Variants in AKAP1 observed in about 807,000 individuals in gnomAD.
AKAP1 encodes A-kinase anchoring protein 1, also known as A-kinase anchor protein 1, mitochondrial.
A neutral mutation model predicts 79.8 loss-of-function variants in AKAP1; 32 were observed. The ratio of observed to expected loss-of-function variants is 0.40; its 90% CI spans 0.30 to 0.54. The LOEUF (loss-of-function observed/expected upper bound fraction) is 0.54, where lower values mean the gene tolerates loss of function less well. Among genes scored for constraint, AKAP1 ranks in the 20% least tolerant of loss-of-function variants. AKAP1 has a pLI of 0.47. For synonymous variants in AKAP1, 416 were observed against 466.7 expected, an observed-to-expected ratio of 0.89 and a Z score of 1.40; for missense variants, 961 against 1,138.9, an observed-to-expected ratio of 0.84 and a Z score of 2.25.
intron 1 of AKAP1, chr17:57,095,527 C>T (rs1308641757): frequency 6.7e-6 from 1 of 148,172 alleles, no homozygotes; most frequent in African/African-American, 2.5e-5. Flanking sequence ...GAAAGTGCCT[C>T]GAGGGCAGTG....
At chr17:57,112,695 C>T in intron 5 of AKAP1, 77 bp downstream of exon 5, 1 of 1,529,270 alleles carries the variant, frequency 6.5e-7, no homozygotes, top group Admixed American at 2.1e-5. Context: ...CTCCCCAGAC[C>T]TCAGGCTAAG....
At chr17:57,120,159 G>A (rs920956930) in intron 10 of AKAP1, 91 bp from the exon 11 acceptor site, 5 of 1,175,402 alleles carry the variant, frequency 4.3e-6, no homozygotes, top group Middle Eastern at 2.0e-4. Context: ...GTTGCCTGCA[G>A]TGGCAACCGG....
chr17:57,116,303 C>T (rs1355873846), intron 7 of AKAP1, 42 bp downstream of exon 7: 1 of 1,611,136 alleles, frequency 6.2e-7, no homozygotes, highest in East Asian at 2.2e-5. Flanking sequence ...CCTGCTTGTT[C>T]TGGGATGCGT....
intron 1 of AKAP1, chr17:57,095,585 C>T (rs1914061569): frequency 6.6e-6 from 1 of 151,362 alleles, no homozygotes; most frequent in Non-Finnish European, 1.5e-5. Flanking sequence ...CTGTGAGTGC[C>T]AGTAATTATT....
chr17:57,091,863 A>G (rs1247187996), intron 1 of AKAP1, among the ~76,000 whole-genome samples: 1 of 151,720 alleles, frequency 6.6e-6, no homozygotes, highest in Non-Finnish European at 1.5e-5. Context: ...TAGTTAAAAA[A>G]ATTTTTTTTG....
rs749943902 is a variant in AKAP1 at position 57,106,303 on chromosome 17, C to T, written c.839C>T (p.Ala280Val). The stretch of plus-strand genomic sequence containing the variant: ...ATCGAGTCGGCTCACACAGAGCTGG[C>T]AAAGGACGATGCGGCGCCAGCACCC... ...RFIESAHTEL[A>V]KDDAAPAPPV... The change falls in exon 2 of 11, where the codon GCA becomes GTA. Residue 280 changes from alanine (A) to valine (V), a missense_variant. By Grantham distance (64) the Ala-to-Val change is moderately conservative. Coordinates refer to ENST00000337714, the MANE Select transcript of AKAP1 (RefSeq NM_003488.4). 2 of 1,614,116 alleles carry T rather than the reference C, an allele frequency of 1.2e-6. No homozygotes were observed. Among genetic ancestry groups the T allele is most frequent in the Admixed American group, 1.7e-5 (1 of 60,020 alleles).
intron 6 of AKAP1, among the ~76,000 whole-genome samples, 198 bp from the exon 7 acceptor site, chr17:57,115,913 C>T (rs554042624): frequency 1.3e-5 from 2 of 152,306 alleles, no homozygotes; most frequent in South Asian, 4.1e-4. Flanking sequence ...GGCTGAACTT[C>T]TCACATCCAG....
intron 1 of AKAP1, among the ~76,000 whole-genome samples, chr17:57,101,024 C>T (rs919239274): frequency 1.3e-5 from 2 of 152,122 alleles, no homozygotes; most frequent in Non-Finnish European, 2.9e-5. Context: ...AGCAAAACTC[C>T]CGTCTCAAAA....
intron 1 of AKAP1, chr17:57,093,281 C>G (rs1913891174): frequency 6.6e-6 from 1 of 152,202 alleles, no homozygotes; most frequent in African/African-American, 2.4e-5. Context: ...AGTATCTTAC[C>G]TGTAATTTGA....
In AKAP1 at chr17:57,110,146, C is replaced by G. The variant is rs951981291; in HGVS notation, c.1836C>G (p.Ile612Met). The change falls in exon 3 of 11, where the codon ATC (isoleucine) becomes ATG (methionine). Residue 612 changes from isoleucine to methionine, a missense_variant. Ile to Met is a conservative substitution (Grantham distance 10). Transcript: ENST00000337714. ...PKKVDLIIWEIEVPKHLVGRL... is the reference protein window; with the variant it reads ...PKKVDLIIWEMEVPKHLVGRL... ...AGGTCGACCTCATCATCTGGGAGAT[C>G]GAGGTGCCAAAGGTAGGGGCGGAGT... The G allele has an allele frequency of 1.2e-6, 2 of 1,613,872 alleles. No homozygotes were observed. The highest frequency in any genetic ancestry group is 1.7e-4 in the Middle Eastern group (1 of 6,004).
intron 8 of AKAP1, 35 bp from the exon 9 acceptor site, chr17:57,118,346 G>C: frequency 6.2e-7 from 1 of 1,608,226 alleles, no homozygotes; most frequent in East Asian, 2.2e-5. Flanking sequence ...GCCTCAGTGA[G>C]AGCCTAAATG....
chr17:57,103,268 G>A (rs760430590), intron 1 of AKAP1, among the ~76,000 whole-genome samples: 11 of 152,226 alleles, frequency 7.2e-5, no homozygotes, highest in Admixed American at 1.3e-4. Flanking sequence ...ACTTTCAAAT[G>A]GAGGTGACCT....
chr17:57,087,336 C>T (rs1179253932), intron 1 of AKAP1, among the ~76,000 whole-genome samples: 1 of 152,202 alleles, frequency 6.6e-6, no homozygotes, highest in East Asian at 1.9e-4. Context: ...AATGCATTCT[C>T]ACTTGGCCAC....
intron 6 of AKAP1, among the ~76,000 whole-genome samples, chr17:57,115,901 T>C (rs2144775113): frequency 6.6e-6 from 1 of 152,324 alleles, no homozygotes; most frequent in African/African-American, 2.4e-5. Flanking sequence ...GCACACTTGC[T>C]AGGCTGAACT....
intron 1 of AKAP1, chr17:57,093,083 T>G (rs1321570368): frequency 6.6e-6 from 1 of 152,488 alleles, no homozygotes; most frequent in African/African-American, 2.4e-5. Flanking sequence ...CCATCCAGCC[T>G]TTCTCATTTC....
At chr17:57,097,487 G>C (rs2144666400) in intron 1 of AKAP1, among the ~76,000 whole-genome samples, 1 of 152,370 alleles carries the variant, frequency 6.6e-6, no homozygotes, top group South Asian at 2.1e-4. Flanking sequence ...ATCTTGCGGA[G>C]AACTCCGAGT....
At position 57,120,444 on chromosome 17, in the gene AKAP1, C is replaced by T; in HGVS notation, c.*120C>T. On this transcript the variant is annotated 3_prime_UTR_variant, in exon 11 of 11. Transcript: ENST00000337714. ...CTCTCCAGAAAGTCCTTTCTTTCTC[C>T]ATACTGTAGTCCTATTGAGAAGACA... 1.2e-6 allele frequency: 1 copy of T among 806,658 alleles called. No homozygotes were observed. Among genetic ancestry groups the T allele is most frequent in the Non-Finnish European group, 2.0e-6 (1 of 502,886 alleles). 50.0% of individuals were successfully genotyped at this position (806,658 alleles called of 1,614,324 possible). A position where few individuals can be genotyped will look rare whatever the true frequency, so the allele number is the denominator to read the frequency against.
Position 57,087,206 on chromosome 17 carries a change from G to GATGGC in AKAP1, c.-25+1809_-25+1813dup, listed in dbSNP as rs560843735. 9.2e-5 allele frequency among the ~76,000 whole-genome samples: 14 copies of GATGGC among 152,330 alleles called. No individual in the cohort carries two copies. In the East Asian group the frequency reaches 1.5e-3, roughly 17 times the overall value. On this transcript the variant is annotated intron_variant, in intron 1 of 10. Transcript: ENST00000337714. Reference sequence around the variant, plus strand: ...TCTGTCTTCATGCATGTTGTCAGATGATGGCTCAGAACTTGCAGGTAACAG... The same window carrying GATGGC: ...TCTGTCTTCATGCATGTTGTCAGATGATGGCATGGCTCAGAACTTGCAGGTAACAG...
intron 8 of AKAP1, 41 bp downstream of exon 8, chr17:57,116,968 A>T: frequency 6.4e-7 from 1 of 1,570,970 alleles, no homozygotes; most frequent in Non-Finnish European, 8.8e-7. Context: ...TGTTGGGGAC[A>T]GTTGTTGAGA....
Sources: gnomAD v4.1 joint callset for allele counts (sites outside exome capture counted in the v4.1 genomes callset) on GRCh38, gnomAD v4.1.1 for gene constraint, MANE v1.5 for transcripts, NCBI Gene and HGNC (gene_info 2026-07-23, HGNC 2026-07-21) for gene names.